RFX3: variants seen among roughly 807,000 people sequenced by gnomAD.
The protein encoded by RFX3 is regulatory factor X3.
A neutral mutation model predicts 98.6 loss-of-function variants in RFX3; 14 were observed. That is an observed-to-expected ratio of 0.14 (90% CI 0.09 to 0.22). The LOEUF (loss-of-function observed/expected upper bound fraction) is 0.22. Among genes scored for constraint, RFX3 ranks in the 10% least tolerant of loss-of-function variants. The pLI is 1.00. For synonymous variants in RFX3, 383 were observed against 328.4 expected (o/e 1.17, Z -1.80); for missense variants, 639 against 926.9 (o/e 0.69, Z 4.03).
At chr9:3,395,348 TA>T in intron 2 of RFX3, 123 bp downstream of exon 2, 1 of 1,113,516 alleles carries the variant, frequency 9.0e-7, no homozygotes, top group Non-Finnish European at 1.3e-6. Context: ...TGAATGAACC[TA>T]AAAACTGAAG....
At chr9:3,243,893 T>G (rs970396826) in intron 15 of RFX3, among the ~76,000 whole-genome samples, 1 of 152,228 alleles carries the variant, frequency 6.6e-6, no homozygotes, top group African/African-American at 2.4e-5. Context: ...AGGACTTTGG[T>G]GCCAGACTGC....
intron 1 of RFX3, chr9:3,400,223 CTG>C: frequency 3.1e-6 from 3 of 982,560 alleles, no homozygotes; most frequent in Non-Finnish European, 3.6e-6. Context: ...GAAAGGCAAA[CTG>C]ATGAATTTTT....
chr9:3,443,401 T>A (rs553310695), intron 1 of RFX3, among the ~76,000 whole-genome samples: 2 of 152,160 alleles, frequency 1.3e-5, no homozygotes, highest in Admixed American at 1.3e-4. Context: ...TTCCCCTCCA[T>A]GTGTCCATGC....
rs1825363167 is a variant in RFX3 at position 3,277,347 on chromosome 9, C to T, written c.966G>A (p.Gln322=). 1.9e-6 allele frequency: 3 copies of T among 1,612,400 alleles called. No individual in the cohort carries two copies. The South Asian group carries it at 3.3e-5, about 18-fold the overall frequency. The stretch of plus-strand genomic sequence containing the variant: ...CATTACACCTTAACATACCTAAAAA[C>T]TGTTGATGATGTTGGCTTTGGGCAA... ...TVIAQSQHHQ[Q]FLDASRALPE... The change falls in exon 8 of 17, where the codon CAG becomes CAA. Residue 322 remains glutamine, a synonymous_variant. Transcript: ENST00000617270.
intron 1 of RFX3, among the ~76,000 whole-genome samples, chr9:3,424,594 TCGTGCTCCGC>T (rs1843824782): frequency 6.6e-6 from 1 of 151,602 alleles, no homozygotes; most frequent in East Asian, 2.0e-4. Context: ...TCTCCTGACC[TCGTGCTCCGC>T]CCGCCTCGGC....
intron 1 of RFX3, among the ~76,000 whole-genome samples, chr9:3,398,081 T>C (rs150917666): frequency 6.0e-4 from 91 of 152,340 alleles, no homozygotes; most frequent in African/African-American, 2.2e-3. Flanking sequence ...CAGATTTTTA[T>C]GTGAAATCTC....
At chr9:3,356,759 T>C (rs1229220324) in intron 2 of RFX3, among the ~76,000 whole-genome samples, 1 of 151,948 alleles carries the variant, frequency 6.6e-6, no homozygotes, top group Non-Finnish European at 1.5e-5. Context: ...TCTAATAATA[T>C]ATTTACAGGA....
At chr9:3,401,313 T>C (rs527758338) in intron 1 of RFX3, among the ~76,000 whole-genome samples, 2 of 152,212 alleles carry the variant, frequency 1.3e-5, no homozygotes, top group South Asian at 2.1e-4. Flanking sequence ...GACACATTCA[T>C]AGTATTCTGG....
chr9:3,471,267 G>T (rs1269937480), intron 1 of RFX3, among the ~76,000 whole-genome samples: 1 of 152,118 alleles, frequency 6.6e-6, no homozygotes, highest in Non-Finnish European at 1.5e-5. Context: ...CCCTAACTTT[G>T]TCCTCAGAAC....
chr9:3,259,100 T>A (rs1260117526), intron 13 of RFX3, among the ~76,000 whole-genome samples: 2 of 151,962 alleles, frequency 1.3e-5, no homozygotes, highest in African/African-American at 4.8e-5. Context: ...TCCCACATAG[T>A]TAGACATTTG....
chr9:3,501,931 G>C (rs1433962113), intron 1 of RFX3, among the ~76,000 whole-genome samples: 1 of 151,622 alleles, frequency 6.6e-6, no homozygotes, highest in East Asian at 2.0e-4. Context: ...AGTAACCTCA[G>C]TTAAACACGT....
chr9:3,276,188 A>G (rs1251709364), intron 8 of RFX3, among the ~76,000 whole-genome samples: 1 of 152,130 alleles, frequency 6.6e-6, no homozygotes, highest in African/African-American at 2.4e-5. Flanking sequence ...TTTGGGTCTG[A>G]CAGATCTATA....
At chr9:3,488,937 T>C in intron 1 of RFX3, 2 of 974,778 alleles carry the variant, frequency 2.1e-6, no homozygotes, top group Non-Finnish European at 2.4e-6. Flanking sequence ...AAGGAGTACC[T>C]TGTTCCCTGT....
At chr9:3,458,157 T>C (rs961431666) in intron 1 of RFX3, among the ~76,000 whole-genome samples, 5 of 152,174 alleles carry the variant, frequency 3.3e-5, no homozygotes, top group Non-Finnish European at 5.9e-5. Context: ...TTAAGGTGCA[T>C]GAAGTGTAAT....
chr9:3,298,857 T>C (rs1363822504), intron 5 of RFX3, among the ~76,000 whole-genome samples: 2 of 151,774 alleles, frequency 1.3e-5, no homozygotes, highest in Non-Finnish European at 2.9e-5. Flanking sequence ...TCTTTGCTTA[T>C]CCATATTCCA....
At chr9:3,294,053 T>A (rs1476618881) in intron 5 of RFX3, among the ~76,000 whole-genome samples, 2 of 152,168 alleles carry the variant, frequency 1.3e-5, no homozygotes, top group Admixed American at 6.5e-5. Context: ...TACAAAAAAA[T>A]CTTTAAAGCA....
chr9:3,435,699 A>T (rs1295725846), intron 1 of RFX3, among the ~76,000 whole-genome samples: 1 of 151,750 alleles, frequency 6.6e-6, no homozygotes, highest in African/African-American at 2.4e-5. Flanking sequence ...ACAGTTCCTG[A>T]CACATGTAAA....
chr9:3,335,650 G>A (rs1400933811), intron 3 of RFX3, among the ~76,000 whole-genome samples: 1 of 152,132 alleles, frequency 6.6e-6, no homozygotes, highest in Non-Finnish European at 1.5e-5. Context: ...CATAGACTAA[G>A]TCATGAAAAT....
Position 3,262,915 on chromosome 9 carries a change from T to C in RFX3, c.1605+20A>G, listed in dbSNP as rs748813897. 2 of 1,610,064 alleles carry C rather than the reference T, an allele frequency of 1.2e-6. No homozygotes were observed. Among genetic ancestry groups the C allele is most frequent in the Non-Finnish European group, 1.7e-6 (2 of 1,177,910 alleles). On this transcript the variant is annotated intron_variant, in intron 13 of 16. Transcript: ENST00000617270. ...GGGTATCTTTCCTTAAGAGACATGCTTTGCAAGGAAATAGAATACCTGGAC... is the reference window on the plus strand; with the variant it reads ...GGGTATCTTTCCTTAAGAGACATGCCTTGCAAGGAAATAGAATACCTGGAC...
Sources: allele counts gnomAD v4.1 joint callset (sites outside exome capture counted in the v4.1 genomes callset), GRCh38; gene constraint gnomAD v4.1.1; transcripts MANE v1.5; gene names NCBI Gene and HGNC (gene_info 2026-07-23, HGNC 2026-07-21).